SECISBP2L: variants seen among roughly 807,000 people sequenced by gnomAD.
SECISBP2L encodes the protein selenocysteine insertion sequence-binding protein 2-like.
A neutral mutation model predicts 114.7 loss-of-function variants in SECISBP2L; 43 were observed. The ratio of observed to expected loss-of-function variants is 0.38; its 90% CI spans 0.29 to 0.48. The LOEUF (loss-of-function observed/expected upper bound fraction) is 0.48. SECISBP2L is among the 20% of genes least tolerant of loss of function. The pLI is 0.98. For synonymous variants in SECISBP2L, 451 were observed against 439.7 expected, an observed-to-expected ratio of 1.03 and a Z score of -0.32; for missense variants, 1,136 against 1,301.1, an observed-to-expected ratio of 0.87 and a Z score of 1.95.
At chr15:49,015,988 G>A (rs1902527621) in intron 11 of SECISBP2L, among the ~76,000 whole-genome samples, 1 of 152,226 alleles carries the variant, frequency 6.6e-6, no homozygotes, top group Admixed American at 6.5e-5. Context: ...CATGCTGGGT[G>A]TGTCTGAGGA....
At chr15:49,011,315 CAT>C (rs1902433069) in intron 13 of SECISBP2L, among the ~76,000 whole-genome samples, 1 of 152,142 alleles carries the variant, frequency 6.6e-6, no homozygotes, top group African/African-American at 2.4e-5. Context: ...TTCATTGTGA[CAT>C]ATGTATTAAT....
intron 13 of SECISBP2L, 133 bp from the exon 14 acceptor site, chr15:49,009,511 G>T (rs927423420): frequency 3.9e-6 from 3 of 769,188 alleles, no homozygotes; most frequent in African/African-American, 1.8e-5. Flanking sequence ...TAATAAGGTG[G>T]GCATTTTTCA....
At position 48,999,849 on chromosome 15, in the gene SECISBP2L, T is replaced by C. The variant is rs779122622; in HGVS notation, c.2387A>G (p.Asn796Ser). ...LVPVSVVGIFNYFGAESLFNK... is the reference protein window; with the variant it reads ...LVPVSVVGIFSYFGAESLFNK... Reference sequence around the variant, plus strand: ...AATTCTTACCTCAGCACCAAAGTAGTTGAAGATTCCCACTACGCTAACAGG... The same window carrying C: ...AATTCTTACCTCAGCACCAAAGTAGCTGAAGATTCCCACTACGCTAACAGG... Residue 796 changes from asparagine (N) to serine (S), a missense_variant, in exon 16 of 18, where the codon AAC (asparagine) becomes AGC (serine). Coordinates refer to ENST00000559471, the MANE Select transcript of SECISBP2L (RefSeq NM_001193489.2). 141 of 1,613,778 alleles carry C rather than the reference T, an allele frequency of 8.7e-5. No homozygotes were observed. The Admixed American group carries it at 1.7e-3, about 19-fold the overall frequency.
intron 4 of SECISBP2L, among the ~76,000 whole-genome samples, chr15:49,031,337 C>T (rs1014152689): frequency 1.3e-5 from 2 of 152,128 alleles, no homozygotes; most frequent in South Asian, 2.1e-4. Context: ...GCATGAGCCA[C>T]GGCGCTCAGC....
Position 49,025,234 on chromosome 15 carries a change from AT to A in SECISBP2L, c.1035+2130del, listed in dbSNP as rs986116757. Among the ~76,000 whole-genome samples, 5 of 151,470 alleles carry A rather than the reference AT, an allele frequency of 3.3e-5. No homozygotes were observed. In the East Asian group the frequency reaches 5.8e-4, roughly 18 times the overall value. ...CAATAACCACATGGAAGAGTGAATT[AT>A]TTTTTTTTGACAGCCTAATTAATGT... On this transcript the variant is annotated intron_variant, in intron 7 of 17. Coordinates refer to ENST00000559471, the MANE Select transcript of SECISBP2L (RefSeq NM_001193489.2).
intron 17 of SECISBP2L, 72 bp from the exon 18 acceptor site, chr15:48,992,998 C>G: frequency 7.8e-7 from 1 of 1,288,134 alleles, no homozygotes; most frequent in Non-Finnish European, 1.1e-6. Context: ...TAAAAACCCC[C>G]AAAAAAGAAA....
At chr15:49,046,176 GA>G in intron 1 of SECISBP2L, 99 bp downstream of exon 1, 1 of 1,393,936 alleles carries the variant, frequency 7.2e-7, no homozygotes, top group Non-Finnish European at 9.7e-7. Flanking sequence ...GCGGCCGCAG[GA>G]CCGGCCCCCG....
intron 4 of SECISBP2L, 92 bp from the exon 5 acceptor site, chr15:49,028,774 A>C: frequency 9.4e-7 from 1 of 1,058,272 alleles, no homozygotes; most frequent in Non-Finnish European, 1.4e-6. Flanking sequence ...GAAAATAGAT[A>C]CCAAACTTCA....
At chr15:49,028,869 T>C (rs1388318819) in intron 4 of SECISBP2L, among the ~76,000 whole-genome samples, 187 bp from the exon 5 acceptor site, 2 of 152,166 alleles carry the variant, frequency 1.3e-5, no homozygotes, top group Non-Finnish European at 1.5e-5. Context: ...ATGTTTTTTG[T>C]TTTTCTTGAG....
At chr15:49,024,203 T>C (rs530199265) in intron 7 of SECISBP2L, among the ~76,000 whole-genome samples, 88 of 152,026 alleles carry the variant, frequency 5.8e-4, no homozygotes, top group African/African-American at 2.0e-3. Flanking sequence ...AAATAACATA[T>C]AAGAAATCAG....
Position 48,990,805 on chromosome 15 carries a change from GT to G in SECISBP2L, c.*1438del, listed in dbSNP as rs1901958340. The stretch of plus-strand genomic sequence containing the variant: ...GTTTTGTGCCTGCTTATGGAAGCTT[GT>G]AAGTGGAAAACACACACACGTACGG... On this transcript the variant is annotated 3_prime_UTR_variant, in exon 18 of 18. Coordinates refer to ENST00000559471, the MANE Select transcript of SECISBP2L (RefSeq NM_001193489.2). 7.6e-6 allele frequency: 1 copy of G among 131,914 alleles called. No individual in the cohort carries two copies. The highest frequency in any genetic ancestry group is 1.6e-5 in the Non-Finnish European group (1 of 63,854). The allele number at this position is 131,914 out of a possible 1,614,324, so 8.2% of individuals were successfully genotyped here.
chr15:49,016,726 A>AT (rs746941146), intron 10 of SECISBP2L, 25 bp from the exon 11 acceptor site: 1 of 1,518,214 alleles, frequency 6.6e-7, no homozygotes, highest in Non-Finnish European at 8.8e-7. Flanking sequence ...TAAAAAATTA[A>AT]TTTTTTTGTT....
At chr15:49,027,255 G>A (rs1902763044) in intron 7 of SECISBP2L, 110 bp downstream of exon 7, 2 of 665,442 alleles carry the variant, frequency 3.0e-6, no homozygotes, top group South Asian at 2.7e-5. Context: ...ACACATGATA[G>A]TTCACTTCCA....
At chr15:49,025,653 A>T (rs950287031) in intron 7 of SECISBP2L, among the ~76,000 whole-genome samples, 2 of 152,162 alleles carry the variant, frequency 1.3e-5, no homozygotes, top group African/African-American at 4.8e-5. Context: ...ACTAATCATC[A>T]GGGAAATGCA....
chr15:49,045,585 T>C (rs372108020), intron 1 of SECISBP2L, among the ~76,000 whole-genome samples: 3 of 152,232 alleles, frequency 2.0e-5, no homozygotes, highest in East Asian at 3.9e-4. Context: ...AGGAATTTGA[T>C]GCAAATAAAA....
chr15:49,044,313 A>G lies in SECISBP2L; in HGVS notation c.24+1963T>C, dbSNP rs145126298. ...AAGCCATTACATGACTCTATGGCAT[A>G]AAGAATCAAGAATTCCACAAAATTG... On this transcript the variant is annotated intron_variant, in intron 1 of 17. Transcript: ENST00000559471. Among the ~76,000 whole-genome samples, 4 of 152,352 alleles carry G rather than the reference A, an allele frequency of 2.6e-5. No homozygotes were observed. In the East Asian group the frequency reaches 5.8e-4, roughly 22 times the overall value.
chr15:48,995,220 G>A (rs1327416706), intron 17 of SECISBP2L, among the ~76,000 whole-genome samples: 1 of 152,254 alleles, frequency 6.6e-6, no homozygotes, highest in East Asian at 1.9e-4. Flanking sequence ...TTGAGATGCG[G>A]CATTTCACTA....
intron 2 of SECISBP2L, among the ~76,000 whole-genome samples, chr15:49,036,519 A>AT (rs1159776855): frequency 6.6e-6 from 1 of 152,262 alleles, no homozygotes; most frequent in Non-Finnish European, 1.5e-5. Context: ...AAGAAAATCA[A>AT]TTAAGTTTAT....
At chr15:49,045,175 G>A (rs1415597521) in intron 1 of SECISBP2L, among the ~76,000 whole-genome samples, 2 of 151,652 alleles carry the variant, frequency 1.3e-5, no homozygotes, top group African/African-American at 4.8e-5. Context: ...TTCACATAAA[G>A]CTTTTTTTTA....
Sources: gnomAD v4.1 joint callset for allele counts (sites outside exome capture counted in the v4.1 genomes callset) on GRCh38, gnomAD v4.1.1 for gene constraint, MANE v1.5 for transcripts, NCBI Gene and HGNC (gene_info 2026-07-23, HGNC 2026-07-21) for gene names.